RIMBP2: variants seen among roughly 807,000 people sequenced by gnomAD.
The protein encoded by RIMBP2 is RIMS binding protein 2, also known as RIMS-binding protein 2.
RIMBP2 carries 48 observed loss-of-function variants against 118.6 expected under a neutral mutation model. That is an observed-to-expected ratio of 0.40 (90% CI 0.32 to 0.51). The LOEUF (loss-of-function observed/expected upper bound fraction) is 0.51. Among genes scored for constraint, RIMBP2 ranks in the 20% least tolerant of loss-of-function variants. The pLI is 0.41. For synonymous variants in RIMBP2, 762 were observed against 742.9 expected (o/e 1.03, Z -0.42); for missense variants, 1,551 against 1,768.3 (o/e 0.88, Z 2.20).
At chr12:130,569,251 C>T (rs116435658) in intron 2 of RIMBP2, among the ~76,000 whole-genome samples, 2 of 152,272 alleles carry the variant, frequency 1.3e-5, no homozygotes, top group African/African-American at 2.4e-5. Context: ...ACGACCTGAA[C>T]GGCAGGCATC....
intron 2 of RIMBP2, among the ~76,000 whole-genome samples, chr12:130,625,187 A>G (rs151326536): frequency 1.3e-5 from 2 of 152,342 alleles, no homozygotes; most frequent in African/African-American, 4.8e-5. Flanking sequence ...ATTCTCTTGC[A>G]GCAATTTTGA....
intron 6 of RIMBP2, 127 bp from the exon 7 acceptor site, chr12:130,456,827 G>C: frequency 1.5e-6 from 1 of 666,354 alleles, no homozygotes; most frequent in South Asian, 2.1e-5. Flanking sequence ...CACGTGTTGT[G>C]TCTGTGAAAA....
intron 2 of RIMBP2, among the ~76,000 whole-genome samples, chr12:130,531,983 G>A (rs529043462): frequency 1.5e-4 from 16 of 106,464 alleles, no homozygotes; most frequent in African/African-American, 5.5e-4. Flanking sequence ...TTAGCCTCTA[G>A]GAGGTACGTC....
intron 1 of RIMBP2, among the ~76,000 whole-genome samples, chr12:130,664,660 G>GT (rs2063842660): frequency 6.6e-6 from 1 of 151,618 alleles, no homozygotes; most frequent in Non-Finnish European, 1.5e-5. Flanking sequence ...GAAAGTATAG[G>GT]TTGATCCTAC....
chr12:130,497,680 G>GT (rs914566133), intron 4 of RIMBP2, among the ~76,000 whole-genome samples: 8 of 152,080 alleles, frequency 5.3e-5, no homozygotes, highest in East Asian at 1.9e-4. Context: ...TTTTTGTTTT[G>GT]TTTTTTTGCA....
chr12:130,588,159 C>A (rs1315797176), intron 2 of RIMBP2, among the ~76,000 whole-genome samples: 1 of 152,112 alleles, frequency 6.6e-6, no homozygotes, highest in Non-Finnish European at 1.5e-5. Flanking sequence ...CAAAACCCAG[C>A]CCAAGTCCTG....
At chr12:130,478,145 C>T (rs1055454833) in intron 5 of RIMBP2, among the ~76,000 whole-genome samples, 1 of 152,158 alleles carries the variant, frequency 6.6e-6, no homozygotes, top group Non-Finnish European at 1.5e-5. Flanking sequence ...TCACAGGTGC[C>T]CAGGAGGTAA....
At chr12:130,499,811 T>A (rs1199702203) in intron 4 of RIMBP2, among the ~76,000 whole-genome samples, 70 of 152,240 alleles carry the variant, frequency 4.6e-4, no homozygotes, top group Non-Finnish European at 4.4e-5. Flanking sequence ...CATTAATTTA[T>A]CAACTCTCTA....
chr12:130,625,151 C>A (rs1260668301), intron 2 of RIMBP2, among the ~76,000 whole-genome samples: 1 of 152,122 alleles, frequency 6.6e-6, no homozygotes, highest in Non-Finnish European at 1.5e-5. Context: ...TTACATTAAT[C>A]TTTTTATGCT....
chr12:130,451,405 C>A, intron 7 of RIMBP2, 65 bp from the exon 8 acceptor site: 1 of 1,519,270 alleles, frequency 6.6e-7, no homozygotes, highest in Non-Finnish European at 8.9e-7. Context: ...GCACGTTGGT[C>A]ATGCGCCTAC....
At chr12:130,596,078 A>C (rs2059541398) in intron 2 of RIMBP2, among the ~76,000 whole-genome samples, 1 of 152,216 alleles carries the variant, frequency 6.6e-6, no homozygotes, top group Non-Finnish European at 1.5e-5. Flanking sequence ...CTGATGTTAC[A>C]CAGTTTACTT....
intron 2 of RIMBP2, among the ~76,000 whole-genome samples, chr12:130,586,568 G>C (rs969024977): frequency 6.6e-6 from 1 of 151,632 alleles, no homozygotes; most frequent in Admixed American, 6.6e-5. Flanking sequence ...AGAAAAACAA[G>C]CAATGGGGAA....
At chr12:130,430,642 T>C (rs1454333418) in intron 14 of RIMBP2, 1 of 145,832 alleles carries the variant, frequency 6.9e-6, no homozygotes, top group African/African-American at 2.6e-5. Context: ...TTTTTTTTTT[T>C]TTTTTTGAGA....
Sources: gnomAD v4.1 joint callset for allele counts (sites outside exome capture counted in the v4.1 genomes callset) on GRCh38, gnomAD v4.1.1 for gene constraint, MANE v1.5 for transcripts, NCBI Gene and HGNC (gene_info 2026-07-23, HGNC 2026-07-21) for gene names.